The following AMPH variants were observed in gnomAD, a reference collection of about 807,000 sequenced individuals.
AMPH encodes amphiphysin (Stiff-Mann syndrome with breast cancer 128kD autoantigen).
AMPH carries 49 observed loss-of-function variants against 99.1 expected under a neutral mutation model. The observed-to-expected ratio is 0.49, with a 90% confidence interval of 0.39 to 0.63. The LOEUF (loss-of-function observed/expected upper bound fraction) is 0.63. Ranked by LOEUF, AMPH falls within the 20% of genes least tolerant of loss-of-function variation. The pLI is 0.00. For missense variants in AMPH, 759 were observed against 863.4 expected (o/e 0.88, Z 1.52); for synonymous variants, 314 against 317.3 (o/e 0.99, Z 0.11).
At chr7:38,630,909 C>A (rs1015813617) in intron 1 of AMPH, among the ~76,000 whole-genome samples, 5 of 152,216 alleles carry the variant, frequency 3.3e-5, no homozygotes, top group African/African-American at 9.6e-5. Context: ...CGGGGAGATG[C>A]GAGCGCAGGG....
At chr7:38,444,270 A>G (rs1293859457) in intron 11 of AMPH, among the ~76,000 whole-genome samples, 2 of 152,162 alleles carry the variant, frequency 1.3e-5, no homozygotes, top group African/African-American at 4.8e-5. Flanking sequence ...ATGATTCAAT[A>G]TCTGTACTGC....
At chr7:38,473,509 C>A (rs1787961501) in intron 7 of AMPH, among the ~76,000 whole-genome samples, 1 of 118,656 alleles carries the variant, frequency 8.4e-6, no homozygotes, top group Non-Finnish European at 1.7e-5. Flanking sequence ...TCGAGACCAT[C>A]CTGGCTAACA....
intron 11 of AMPH, among the ~76,000 whole-genome samples, chr7:38,461,069 ATAC>A (rs1322677112): frequency 6.6e-6 from 1 of 152,200 alleles, no homozygotes; most frequent in Admixed American, 6.5e-5. Context: ...CTATAAGTAT[ATAC>A]TACCCTTAAT....
chr7:38,491,244 C>G, intron 4 of AMPH, 99 bp from the exon 5 acceptor site: 1 of 803,076 alleles, frequency 1.2e-6, no homozygotes, highest in Non-Finnish European at 2.0e-6. Flanking sequence ...ACAAGTAATA[C>G]TTTCCCAGAT....
chr7:38,527,387 T>C (rs756732028), intron 2 of AMPH, among the ~76,000 whole-genome samples: 7 of 152,248 alleles, frequency 4.6e-5, no homozygotes, highest in Non-Finnish European at 1.0e-4. Flanking sequence ...TCCATGAATA[T>C]AGTACATCTT....
intron 16 of AMPH, among the ~76,000 whole-genome samples, chr7:38,418,357 C>T (rs6970953): frequency 6.6e-6 from 1 of 151,940 alleles, no homozygotes; most frequent in African/African-American, 2.4e-5. Flanking sequence ...GAGGCAGAGA[C>T]AGAGAGAAAG....
chr7:38,615,757 T>C (rs900700255), intron 1 of AMPH, among the ~76,000 whole-genome samples: 1 of 152,086 alleles, frequency 6.6e-6, no homozygotes, highest in Admixed American at 6.5e-5. Flanking sequence ...TAAGGAGACC[T>C]GAAGTTGAGA....
chr7:38,596,735 C>CT (rs746803599), intron 1 of AMPH, among the ~76,000 whole-genome samples: 1 of 152,200 alleles, frequency 6.6e-6, no homozygotes, highest in Non-Finnish European at 1.5e-5. Context: ...TACCATACCT[C>CT]TTGCCCACTC....
At chr7:38,534,060 C>G (rs963771872) in intron 2 of AMPH, among the ~76,000 whole-genome samples, 1 of 152,134 alleles carries the variant, frequency 6.6e-6, no homozygotes, top group Admixed American at 6.5e-5. Context: ...GTCATCTCCC[C>G]AAGGAGTCTT....
chr7:38,541,281 G>C (rs1310889042), intron 1 of AMPH, among the ~76,000 whole-genome samples: 2 of 98,532 alleles, frequency 2.0e-5, no homozygotes, highest in Non-Finnish European at 4.5e-5. Flanking sequence ...GCCATCAGGG[G>C]AGGTAAGTGC....
intron 1 of AMPH, among the ~76,000 whole-genome samples, chr7:38,621,391 G>A (rs1794055558): frequency 6.6e-6 from 1 of 152,168 alleles, no homozygotes; most frequent in Non-Finnish European, 1.5e-5. Flanking sequence ...GCTATATTAT[G>A]AGTCTCTAGA....
chr7:38,620,327 GAT>G (rs1041481410), intron 1 of AMPH, among the ~76,000 whole-genome samples: 3 of 118,496 alleles, frequency 2.5e-5, no homozygotes, highest in African/African-American at 1.0e-4. Flanking sequence ...ATTCATTGGA[GAT>G]ATATATATGT....
chr7:38,433,724 CAAAAAAA>C (rs570503359), intron 12 of AMPH, among the ~76,000 whole-genome samples: 3 of 53,192 alleles, frequency 5.6e-5, no homozygotes, highest in Non-Finnish European at 9.2e-5. Flanking sequence ...GACTCCGTCT[CAAAAAAA>C]AAAAAAAAAA....
intron 9 of AMPH, 109 bp downstream of exon 9, chr7:38,465,358 G>C: frequency 1.1e-6 from 1 of 894,848 alleles, no homozygotes; most frequent in Non-Finnish European, 1.7e-6. Flanking sequence ...GGGTGAAAAG[G>C]CTCCTGTGGG....
intron 15 of AMPH, among the ~76,000 whole-genome samples, chr7:38,422,944 T>C (rs1038772281): frequency 1.3e-5 from 2 of 152,198 alleles, no homozygotes; most frequent in African/African-American, 2.4e-5. Flanking sequence ...TTGAAACATG[T>C]TCAAGTCCCC....
chr7:38,486,675 G>T (rs992152684), intron 5 of AMPH, among the ~76,000 whole-genome samples: 3 of 151,912 alleles, frequency 2.0e-5, no homozygotes, highest in African/African-American at 7.3e-5. Context: ...GCAAAAAACC[G>T]CTACAAAATA....
intron 1 of AMPH, among the ~76,000 whole-genome samples, chr7:38,554,439 A>G (rs1286102348): frequency 2.0e-5 from 3 of 152,192 alleles, no homozygotes; most frequent in East Asian, 1.9e-4. Context: ...AAAATCCCTT[A>G]AAATGTCTAT....
At chr7:38,492,810 G>A (rs1393147375) in intron 4 of AMPH, among the ~76,000 whole-genome samples, 1 of 152,152 alleles carries the variant, frequency 6.6e-6, no homozygotes, top group Non-Finnish European at 1.5e-5. Flanking sequence ...ATGGTGTTCT[G>A]AAAAGTTATT....
chr7:38,555,949 T>C (rs550080825), intron 1 of AMPH, among the ~76,000 whole-genome samples: 3 of 151,998 alleles, frequency 2.0e-5, no homozygotes, highest in African/African-American at 4.8e-5. Flanking sequence ...CAACAGACAA[T>C]GGGGACTCCT....
Sources: allele counts gnomAD v4.1 joint callset (sites outside exome capture counted in the v4.1 genomes callset), GRCh38; gene constraint gnomAD v4.1.1; transcripts MANE v1.5; gene names NCBI Gene and HGNC (gene_info 2026-07-23, HGNC 2026-07-21).